The following TRAPPC9 variants were observed in gnomAD, a reference collection of about 807,000 sequenced individuals.
The protein encoded by TRAPPC9 is IKK2 binding protein.
TRAPPC9 carries 83 observed loss-of-function variants against 124.0 expected under a neutral mutation model. That is an observed-to-expected ratio of 0.67 (90% CI 0.56 to 0.80). The LOEUF (loss-of-function observed/expected upper bound fraction) is 0.80, where lower values mean the gene tolerates loss of function less well. Among genes scored for constraint, TRAPPC9 ranks in the 30% least tolerant of loss-of-function variants. The pLI, the probability that TRAPPC9 is intolerant of heterozygous loss-of-function variation, is 0.00. For missense variants in TRAPPC9, 1,302 were observed against 1,508.3 expected, an observed-to-expected ratio of 0.86 and a Z score of 2.27; for synonymous variants, 638 against 617.5, an observed-to-expected ratio of 1.03 and a Z score of -0.49.
At position 140,293,443 on chromosome 8, in the gene TRAPPC9, T is replaced by C. The variant is rs1048658520; in HGVS notation, c.1769-2365A>G. ...ATGTTTATTGCAGCACTATTCACAATAGCAAAGACTTGGAACCAACCCAAA... is the reference window on the plus strand; with the variant it reads ...ATGTTTATTGCAGCACTATTCACAACAGCAAAGACTTGGAACCAACCCAAA... On this transcript the variant is annotated intron_variant, in intron 11 of 22. Transcript: ENST00000438773. Among the ~76,000 whole-genome samples the C allele has an allele frequency of 2.2e-4, 34 of 152,136 alleles. No individual in the cohort carries two copies. In the East Asian group the frequency reaches 2.7e-3, roughly 12 times the overall value.
At position 139,874,611 on chromosome 8, in the gene TRAPPC9, G is replaced by A. The variant is rs144341987; in HGVS notation, c.3055+11268C>T. Among the ~76,000 whole-genome samples the A allele has an allele frequency of 7.8e-3, 1,190 of 152,336 alleles. 52 individuals are homozygous for A. Among genetic ancestry groups the A allele is most frequent in the Admixed American group, 0.067 (1,032 of 15,300 alleles). ...GGAGGCAGCAGGTATGAAGGCCTGG[G>A]GGGAGCATGGCTCACAGGGACAAGC... On this transcript the variant is annotated intron_variant, in intron 21 of 22. Transcript: ENST00000438773.
rs1449235824 is a variant in TRAPPC9, at chr8:140,182,028, C to A, written c.2556+39431G>T. Among the ~76,000 whole-genome samples the A allele has an allele frequency of 6.6e-6, 1 of 152,152 alleles. No individual in the cohort carries two copies. The highest frequency in any genetic ancestry group is 1.5e-5 in the Non-Finnish European group (1 of 68,016). ...CTTTCCTGGTCCAATCTGAGGGAAG[C>A]CCTTCATGACTCAGTACCAGGGAGC... On this transcript the variant is annotated intron_variant, in intron 17 of 22. Transcript: ENST00000438773. The surrounding 1 kb of genome is among the most constrained non-coding windows in gnomAD (Gnocchi z 4.0).
intron 9 of TRAPPC9, among the ~76,000 whole-genome samples, chr8:140,351,945 A>G (rs967329194): frequency 6.6e-6 from 1 of 152,230 alleles, no homozygotes; most frequent in Non-Finnish European, 1.5e-5. Context: ...GATATCACAC[A>G]GTTGTGCAAC....
At chr8:139,736,336 C>T (rs1347773793) in intron 21 of TRAPPC9, among the ~76,000 whole-genome samples, 1 of 152,200 alleles carries the variant, frequency 6.6e-6, no homozygotes. Flanking sequence ...CAAACTGGGA[C>T]GGTGGGTCAC....
intron 20 of TRAPPC9, among the ~76,000 whole-genome samples, chr8:139,892,536 T>C (rs929985191): frequency 2.6e-5 from 4 of 152,206 alleles, no homozygotes; most frequent in African/African-American, 9.6e-5. Context: ...GGGCTGGCCC[T>C]GTGAGCATTA....
At chr8:139,916,818 G>C (rs1335310872) in intron 19 of TRAPPC9, among the ~76,000 whole-genome samples, 1 of 152,244 alleles carries the variant, frequency 6.6e-6, no homozygotes, top group Non-Finnish European at 1.5e-5. Context: ...TACAAATCAA[G>C]GAGTCGGATC....
At chr8:140,402,135 G>T (rs2069298943) in intron 6 of TRAPPC9, among the ~76,000 whole-genome samples, 1 of 152,070 alleles carries the variant, frequency 6.6e-6, no homozygotes, top group Non-Finnish European at 1.5e-5. Context: ...AGGAGGCCAT[G>T]GTGGGAGGAT....
rs796737802 is a variant in TRAPPC9 at position 140,062,910 on chromosome 8, G to T, written c.2557-38831C>A. ...GAGTCTGTTCTCACACTGCTAGAAA[G>T]AACTTTCCAAGACTGGGTAATTTAT... On this transcript the variant is annotated intron_variant, in intron 17 of 22. Coordinates refer to ENST00000438773, the MANE Select transcript of TRAPPC9 (RefSeq NM_001160372.4). Among the ~76,000 whole-genome samples, 57 of 152,290 alleles carry T rather than the reference G, an allele frequency of 3.7e-4. 1 individual carries two copies. The highest frequency in any genetic ancestry group is 1.3e-3 in the African/African-American group (56 of 41,562).
chr8:139,873,650 A>G (rs987091819), intron 21 of TRAPPC9, among the ~76,000 whole-genome samples: 3 of 152,238 alleles, frequency 2.0e-5, no homozygotes, highest in African/African-American at 7.2e-5. Flanking sequence ...AGGGGGTGTC[A>G]TGCAGGAGCA....
At chr8:139,997,570 A>AT (rs1269368049) in intron 18 of TRAPPC9, among the ~76,000 whole-genome samples, 1 of 140,610 alleles carries the variant, frequency 7.1e-6, no homozygotes, top group Non-Finnish European at 1.5e-5. Flanking sequence ...TACCCAGGGG[A>AT]ACAATGCATC....
chr8:140,191,194 C>T (rs572109949), intron 17 of TRAPPC9, among the ~76,000 whole-genome samples: 18 of 152,328 alleles, frequency 1.2e-4, no homozygotes, highest in African/African-American at 4.3e-4. Flanking sequence ...GTGCCAGATG[C>T]TCTCATACGC....
intron 20 of TRAPPC9, among the ~76,000 whole-genome samples, chr8:139,897,550 A>C (rs774679560): frequency 2.6e-5 from 4 of 152,194 alleles, no homozygotes; most frequent in Non-Finnish European, 5.9e-5. Flanking sequence ...AGGCTCCATA[A>C]ATGCCTGCTG....
At chr8:140,156,164 G>A (rs564389539) in intron 17 of TRAPPC9, among the ~76,000 whole-genome samples, 22 of 152,302 alleles carry the variant, frequency 1.4e-4, no homozygotes, top group African/African-American at 4.6e-4. Flanking sequence ...GCTACCATCC[G>A]CATGCTCAAC....
chr8:140,370,472 T>G (rs1019567954), intron 8 of TRAPPC9, among the ~76,000 whole-genome samples: 1 of 152,234 alleles, frequency 6.6e-6, no homozygotes, highest in Admixed American at 6.5e-5. Flanking sequence ...CTAATCAGAC[T>G]TTGTCTAATA....
chr8:139,819,291 T>C (rs1005030609), intron 21 of TRAPPC9, among the ~76,000 whole-genome samples: 1 of 151,984 alleles, frequency 6.6e-6, no homozygotes, highest in Non-Finnish European at 1.5e-5. Flanking sequence ...GGCTCAAGGC[T>C]CCCACTGATA....
chr8:140,077,572 T>C (rs1843579549), intron 17 of TRAPPC9, among the ~76,000 whole-genome samples: 1 of 151,874 alleles, frequency 6.6e-6, no homozygotes, highest in Non-Finnish European at 1.5e-5. Flanking sequence ...TCTGCTTGCA[T>C]GCATTTGAGC....
Position 139,957,105 on chromosome 8 carries a change from AT to A in TRAPPC9, c.2810+31620del, listed in dbSNP as rs543440472. ...TCCTGTGACATTTATAAGCCACAAG[AT>A]TTTCCTCACAGGAGCTAAAAATAGC... On this transcript the variant is annotated intron_variant, in intron 19 of 22. Transcript: ENST00000438773. Among the ~76,000 whole-genome samples the A allele has an allele frequency of 3.6e-3, 553 of 152,342 alleles. 3 individuals carry two copies. The highest frequency in any genetic ancestry group is 0.012 in the African/African-American group (504 of 41,578).
intron 15 of TRAPPC9, among the ~76,000 whole-genome samples, chr8:140,253,677 C>CAA (rs1440859834): frequency 9.5e-5 from 14 of 147,106 alleles, no homozygotes; most frequent in Middle Eastern, 6.9e-3. Context: ...GACTCCATCT[C>CAA]AAAAGAAAAA....
rs558451385 is a variant in TRAPPC9 at position 140,167,973 on chromosome 8, G to A, written c.2556+53486C>T. Among the ~76,000 whole-genome samples the A allele has an allele frequency of 7.2e-5, 11 of 152,302 alleles. No homozygotes were observed. The South Asian group carries it at 2.1e-3, about 29-fold the overall frequency. On this transcript the variant is annotated intron_variant, in intron 17 of 22. Coordinates refer to ENST00000438773, the MANE Select transcript of TRAPPC9 (RefSeq NM_001160372.4). ...GGATAAAAGGAGAAGTTAAAGTTTT[G>A]CAGAAATCTATGCAGCAACTGTATG...
Sources: gnomAD v4.1 joint callset for allele counts (sites outside exome capture counted in the v4.1 genomes callset) on GRCh38, gnomAD v4.1.1 for gene constraint, Gnocchi (gnomAD v3.1) non-coding constraint, MANE v1.5 for transcripts, NCBI Gene and HGNC (gene_info 2026-07-23, HGNC 2026-07-21) for gene names.